The following ATP8A2 variants were observed in gnomAD, a reference collection of about 807,000 sequenced individuals.
ATP8A2 encodes the protein phospholipid-transporting ATPase IB.
In ATP8A2, 100 loss-of-function variants were observed where a neutral mutation model predicts 165.6. The ratio of observed to expected loss-of-function variants is 0.60; its 90% CI spans 0.51 to 0.71. The LOEUF (loss-of-function observed/expected upper bound fraction) is 0.71, where lower values mean the gene tolerates loss of function less well. Ranked by LOEUF, ATP8A2 falls within the 30% of genes least tolerant of loss-of-function variation. The probability of loss-of-function intolerance (pLI) is 0.00; values close to 1 mark genes in which losing one functional copy is unlikely to be tolerated. For synonymous variants in ATP8A2, 543 were observed against 548.8 expected (o/e 0.99, Z 0.15); for missense variants, 1,227 against 1,479.5 (o/e 0.83, Z 2.80).
Position 25,819,999 on chromosome 13 carries a change from G to A in ATP8A2, c.2680-8119G>A, listed in dbSNP as rs75653165. The stretch of plus-strand genomic sequence containing the variant: ...CTCCATAGGGTACTTTTTCACTTCA[G>A]TCCTCTACCAGGGATCCTGAAAGAG... On this transcript the variant is annotated intron_variant, in intron 27 of 36. Transcript: ENST00000381655. 8.9e-4 allele frequency among the ~76,000 whole-genome samples: 136 copies of A among 152,266 alleles called. 1 individual carries two copies. Among genetic ancestry groups the A allele is most frequent in the Middle Eastern group, 3.4e-3 (1 of 294 alleles).
intron 27 of ATP8A2, among the ~76,000 whole-genome samples, chr13:25,823,736 G>C (rs1008693126): frequency 3.9e-5 from 6 of 152,246 alleles, no homozygotes; most frequent in Middle Eastern, 3.4e-3. Context: ...TGATCTTTCT[G>C]TGTCTGTTGC....
In ATP8A2 at chr13:25,434,645, G is replaced by T. The variant is rs192739938; in HGVS notation, c.77-34332G>T. ...ATTACAGGCATGAGCCACTGTGCCT[G>T]GCCCCACTTTCTTTTCAAGCACAGT... On this transcript the variant is annotated intron_variant, in intron 1 of 36. Coordinates refer to ENST00000381655, the MANE Select transcript of ATP8A2 (RefSeq NM_016529.6). Among the ~76,000 whole-genome samples, 22 of 152,248 alleles carry T rather than the reference G, an allele frequency of 1.4e-4. No individual in the cohort carries two copies. In the East Asian group the frequency reaches 4.2e-3, roughly 29 times the overall value.
chr13:25,886,740 T>A (rs923705186), intron 33 of ATP8A2, among the ~76,000 whole-genome samples: 27 of 152,170 alleles, frequency 1.8e-4, no homozygotes, highest in African/African-American at 6.5e-4. Flanking sequence ...GGAAAACAGC[T>A]GAGACTCAGG....
chr13:25,696,909 C>T (rs530907657), intron 24 of ATP8A2, among the ~76,000 whole-genome samples: 1 of 152,308 alleles, frequency 6.6e-6, no homozygotes, highest in East Asian at 1.9e-4. Context: ...ATGCTTTTGA[C>T]ATGGTGTACC....
intron 33 of ATP8A2, among the ~76,000 whole-genome samples, chr13:25,949,796 G>A (rs1356954460): frequency 3.3e-5 from 5 of 152,132 alleles, no homozygotes; most frequent in African/African-American, 1.2e-4. Flanking sequence ...GTGAAAGAGA[G>A]TACAAACTGC....
intron 24 of ATP8A2, among the ~76,000 whole-genome samples, chr13:25,691,933 C>T (rs56140439): frequency 0.074 from 11,301 of 152,196 alleles, 515 homozygotes; most frequent in Non-Finnish European, 0.11. Context: ...TCTATAAATA[C>T]AAAAGCATGG....
In ATP8A2 at chr13:25,594,984, G is replaced by GTATATATATATATA. The variant is rs58403530; in HGVS notation, c.2211+5295_2211+5308dup. Among the ~76,000 whole-genome samples, 316 of 142,790 alleles carry GTATATATATATATA rather than the reference G, an allele frequency of 2.2e-3. 2 individuals carry two copies. Among genetic ancestry groups the GTATATATATATATA allele is most frequent in the African/African-American group, 6.8e-3 (261 of 38,500 alleles). The allele number at this position is 142,790 out of a possible 152,430, so 93.7% of individuals were successfully genotyped here. A position where few individuals can be genotyped will look rare whatever the true frequency, so the allele number is the denominator to read the frequency against. ...TAAAGAAACTGTGGTGTGTGTGTGT[G>GTATATATATATATA]TATATATATATATATATATATATGT... On this transcript the variant is annotated intron_variant, in intron 24 of 36. Coordinates refer to ENST00000381655, the MANE Select transcript of ATP8A2 (RefSeq NM_016529.6).
At chr13:25,743,634 C>T (rs1472760495) in intron 25 of ATP8A2, among the ~76,000 whole-genome samples, 1 of 152,198 alleles carries the variant, frequency 6.6e-6, no homozygotes, top group African/African-American at 2.4e-5. Flanking sequence ...TCATCAGGTT[C>T]TGGCATGTGT....
At chr13:25,894,828 C>T (rs1161196256) in intron 33 of ATP8A2, among the ~76,000 whole-genome samples, 12 of 152,084 alleles carry the variant, frequency 7.9e-5, no homozygotes, top group African/African-American at 1.7e-4. Context: ...TGATTTGGCT[C>T]TCTGTTTGTC....
intron 27 of ATP8A2, among the ~76,000 whole-genome samples, chr13:25,813,563 G>T (rs984075535): frequency 1.9e-5 from 2 of 105,054 alleles, no homozygotes; most frequent in Non-Finnish European, 3.8e-5. Context: ...ATGATGATAC[G>T]ATATAATATG....
At chr13:25,547,898 A>C (rs529321132) in intron 10 of ATP8A2, among the ~76,000 whole-genome samples, 1 of 152,178 alleles carries the variant, frequency 6.6e-6, no homozygotes, top group Non-Finnish European at 1.5e-5. Context: ...TTATGGAAGA[A>C]TTTATAATAC....
At chr13:25,618,285 C>T (rs1213982976) in intron 24 of ATP8A2, among the ~76,000 whole-genome samples, 1 of 151,934 alleles carries the variant, frequency 6.6e-6, no homozygotes, top group Non-Finnish European at 1.5e-5. Context: ...TTTATAAACA[C>T]GAGGGAGGGT....
chr13:25,824,817 G>GA (rs1319815101), intron 27 of ATP8A2, among the ~76,000 whole-genome samples: 1 of 151,594 alleles, frequency 6.6e-6, no homozygotes, highest in Admixed American at 6.6e-5. Flanking sequence ...ATTGATTCCT[G>GA]AAAAAAAGGA....
At chr13:26,017,563 G>T (rs1957006554) in intron 36 of ATP8A2, among the ~76,000 whole-genome samples, 1 of 152,226 alleles carries the variant, frequency 6.6e-6, no homozygotes, top group Non-Finnish European at 1.5e-5. Flanking sequence ...CCAAAGCTGG[G>T]CAACGGAGGT....
intron 33 of ATP8A2, among the ~76,000 whole-genome samples, chr13:25,923,242 A>G (rs770193122): frequency 3.9e-5 from 6 of 152,196 alleles, no homozygotes; most frequent in Admixed American, 1.3e-4. Context: ...AGCAGCAGCA[A>G]TTTACTTGCC....
intron 35 of ATP8A2, among the ~76,000 whole-genome samples, chr13:25,993,706 T>C (rs1956439490): frequency 6.6e-6 from 1 of 152,202 alleles, no homozygotes; most frequent in Non-Finnish European, 1.5e-5. Flanking sequence ...TTTATCTGTT[T>C]ATTTCTTTAT....
chr13:25,917,137 C>A (rs1954292427), intron 33 of ATP8A2, among the ~76,000 whole-genome samples: 1 of 152,178 alleles, frequency 6.6e-6, no homozygotes, highest in Non-Finnish European at 1.5e-5. Context: ...CTCTTCATGT[C>A]AGTAGAATTT....
chr13:25,559,821 AT>A lies in ATP8A2; in HGVS notation c.1397+59del. On this transcript the variant is annotated intron_variant, in intron 15 of 36. Transcript: ENST00000381655. ...TAGTGGAAAAGCTTTTGGAATAATTATTTATTATTATTCATTTACATTTTTA... is the reference window on the plus strand; with the variant it reads ...TAGTGGAAAAGCTTTTGGAATAATTATTATTATTATTCATTTACATTTTTA... 6 of 1,275,540 alleles carry A rather than the reference AT, an allele frequency of 4.7e-6. No homozygotes were observed. In the Admixed American group the frequency reaches 1.0e-4, roughly 22 times the overall value. The allele number at this position is 1,275,540 out of a possible 1,614,324, so 79.0% of individuals were successfully genotyped here. A position where few individuals can be genotyped will look rare whatever the true frequency, so the allele number is the denominator to read the frequency against.
chr13:25,899,202 C>T (rs892910334), intron 33 of ATP8A2, among the ~76,000 whole-genome samples: 2 of 152,170 alleles, frequency 1.3e-5, no homozygotes, highest in African/African-American at 2.4e-5. Flanking sequence ...TTATTGCTGG[C>T]GAGCGTGGAA....
Sources: allele counts gnomAD v4.1 joint callset (sites outside exome capture counted in the v4.1 genomes callset), GRCh38; gene constraint gnomAD v4.1.1; transcripts MANE v1.5; gene names NCBI Gene and HGNC (gene_info 2026-07-23, HGNC 2026-07-21).